ATRX: variants seen among roughly 807,000 people sequenced by gnomAD.
ATRX encodes ATRX chromatin remodeler, also known as chromatin remodeler ATRX.
A neutral mutation model predicts 172.6 loss-of-function variants in ATRX; 12 were observed. The ratio of observed to expected loss-of-function variants is 0.07; its 90% CI spans 0.04 to 0.11. The LOEUF (loss-of-function observed/expected upper bound fraction) is 0.11, where lower values mean the gene tolerates loss of function less well. Among genes scored for constraint, ATRX ranks in the 10% least tolerant of loss-of-function variants. The pLI is 1.00. For missense variants in ATRX, 1,368 were observed against 1,767.4 expected (o/e 0.77, Z 4.05); for synonymous variants, 674 against 594.7 (o/e 1.13, Z -1.94).
chrX:77,596,223 T>C (rs970915166), intron 25 of ATRX: 2 of 111,656 alleles, frequency 1.8e-5, no homozygotes, highest in Admixed American at 1.9e-4. Context: ...AGGTACAACA[T>C]TGTTAACCCT....
chrX:77,764,281 G>T (rs2075829619), intron 1 of ATRX, among the ~76,000 whole-genome samples: 1 of 111,576 alleles, frequency 9.0e-6, no homozygotes, highest in African/African-American at 3.3e-5. Flanking sequence ...TTGTTTTTAT[G>T]AACAGTTACT....
At chrX:77,568,167 A>AAAAAAG (rs2065271398) in intron 28 of ATRX, among the ~76,000 whole-genome samples, 2 of 110,540 alleles carry the variant, frequency 1.8e-5, no homozygotes, top group Admixed American at 1.9e-4. Context: ...AGGAAAAAAA[A>AAAAAAG]AAAAAGAAAA....
rs782473887 is a variant in ATRX, at chrX:77,685,023, G to C, written c.595-17C>G. The C allele has an allele frequency of 2.1e-4, 235 of 1,139,705 alleles. No individual in the cohort carries two copies. The highest frequency in any genetic ancestry group is 2.7e-4 in the Non-Finnish European group (224 of 832,447). The allele number at this position is 1,139,705 out of a possible 1,213,427, so 93.9% of individuals were successfully genotyped here. ...AAAGCAATTCTATTAAAAGAAAAGA[G>C]GAAGGGGAAATTTAATTCGAAATTG... On this transcript the variant is annotated splice_polypyrimidine_tract_variant and intron_variant, in intron 7 of 34. Coordinates refer to ENST00000373344, the MANE Select transcript of ATRX (RefSeq NM_000489.6).
intron 1 of ATRX, among the ~76,000 whole-genome samples, chrX:77,724,031 G>A (rs1215725299): frequency 9.0e-6 from 1 of 111,161 alleles, no homozygotes; most frequent in Non-Finnish European, 1.9e-5. Flanking sequence ...CTGTAACCCC[G>A]GCACTTTGGG....
Position 77,506,185 on chromosome X carries a change from A to G in ATRX, c.*2166T>C. 5.9e-6 allele frequency: 1 copy of G among 170,926 alleles called. No individual in the cohort carries two copies. Among genetic ancestry groups the G allele is most frequent in the Non-Finnish European group, 1.1e-5 (1 of 89,183 alleles). The allele number at this position is 170,926 out of a possible 1,213,427, so 14.1% of individuals were successfully genotyped here. ...GCAACTATTTAAAACATCTAAAACA[A>G]ATATAAAAATGAGCCTTTTAGTATT... On this transcript the variant is annotated 3_prime_UTR_variant, in exon 35 of 35. Coordinates refer to ENST00000373344, the MANE Select transcript of ATRX (RefSeq NM_000489.6).
intron 3 of ATRX, among the ~76,000 whole-genome samples, chrX:77,698,066 T>G (rs1174627641): frequency 1.8e-5 from 2 of 111,683 alleles, no homozygotes; most frequent in Non-Finnish European, 3.8e-5. Flanking sequence ...TGAAGTAACT[T>G]CTACAACTTG....
intron 30 of ATRX, among the ~76,000 whole-genome samples, chrX:77,542,642 A>G (rs1304922865): frequency 9.0e-6 from 1 of 111,673 alleles, no homozygotes; most frequent in African/African-American, 3.3e-5. Flanking sequence ...GGAACAAAAC[A>G]GAGGCCTCAG....
At chrX:77,715,708 T>A (rs1485767068) in intron 2 of ATRX, among the ~76,000 whole-genome samples, 1 of 111,699 alleles carries the variant, frequency 9.0e-6, no homozygotes, top group Non-Finnish European at 1.9e-5. Context: ...TTTATATTTA[T>A]CCTGTTCAGG....
intron 2 of ATRX, among the ~76,000 whole-genome samples, chrX:77,703,235 C>T (rs782678974): frequency 8.9e-6 from 1 of 112,884 alleles, no homozygotes; most frequent in Non-Finnish European, 1.9e-5. Context: ...CTCAGGCCTG[C>T]TGGGCTTGTC....
rs782441238 is a variant in ATRX at position 77,543,420 on chromosome X, C to A, written c.6699+14031G>T. ...GTGGCGATTCCTCAAGGATCTAGAA[C>A]CAGAAATACCATTTTGACTCAGCGA... On this transcript the variant is annotated intron_variant, in intron 30 of 34. Coordinates refer to ENST00000373344, the MANE Select transcript of ATRX (RefSeq NM_000489.6). Among the ~76,000 whole-genome samples the A allele has an allele frequency of 6.3e-5, 7 of 111,814 alleles. No individual in the cohort carries two copies. In the South Asian group the frequency reaches 2.6e-3, roughly 42 times the overall value.
rs190365761 is a variant in ATRX, at chrX:77,624,684, C to A, written c.5135-4152G>T. ...ACAAGAAAGATAGGAATATACCTAA[C>A]AAAGGAGTCAAAAGACCTCTACAAG... is the stretch of plus-strand genomic sequence containing the variant. On this transcript the variant is annotated intron_variant, in intron 19 of 34. Transcript: ENST00000373344. Among the ~76,000 whole-genome samples the A allele has an allele frequency of 9.8e-5, 11 of 111,676 alleles. No individual in the cohort carries two copies. In the East Asian group the frequency reaches 2.8e-3, roughly 28 times the overall value.
intron 30 of ATRX, among the ~76,000 whole-genome samples, chrX:77,538,095 A>G (rs1237581342): frequency 1.8e-5 from 2 of 110,321 alleles, no homozygotes; most frequent in Admixed American, 9.7e-5. Flanking sequence ...TGGGCTTAAT[A>G]CTTAGGTGTT....
At chrX:77,627,139 A>C (rs1180699049) in intron 19 of ATRX, among the ~76,000 whole-genome samples, 1 of 111,738 alleles carries the variant, frequency 8.9e-6, no homozygotes, top group African/African-American at 3.2e-5. Context: ...AGGCTGAGGC[A>C]GGAGAATGGC....
At chrX:77,557,677 A>T in intron 29 of ATRX, 32 bp from the exon 30 acceptor site, 1 of 1,146,338 alleles carries the variant, frequency 8.7e-7, no homozygotes, top group Non-Finnish European at 1.2e-6. Flanking sequence ...TATACAAAAA[A>T]ATAAAATTTT....
intron 30 of ATRX, among the ~76,000 whole-genome samples, chrX:77,547,627 C>T (rs1026609489): frequency 2.7e-5 from 3 of 111,250 alleles, no homozygotes; most frequent in African/African-American, 9.8e-5. Flanking sequence ...ATAAGGTAGA[C>T]TTTATTCTAA....
At chrX:77,585,458 C>T (rs1449260857) in intron 27 of ATRX, among the ~76,000 whole-genome samples, 3 of 104,696 alleles carry the variant, frequency 2.9e-5, no homozygotes, top group African/African-American at 6.9e-5. Context: ...TGCCTGTAGT[C>T]CCAGCTACTG....
intron 28 of ATRX, among the ~76,000 whole-genome samples, chrX:77,572,440 C>A (rs975048143): frequency 9.0e-6 from 1 of 111,416 alleles, no homozygotes; most frequent in Non-Finnish European, 1.9e-5. Context: ...AAATACTCAA[C>A]CAGTATATGC....
chrX:77,765,166 T>G (rs1379531422), intron 1 of ATRX, among the ~76,000 whole-genome samples: 7 of 111,324 alleles, frequency 6.3e-5, no homozygotes, highest in Non-Finnish European at 1.3e-4. Context: ...AAACTCTGTC[T>G]CAAAAACAAA....
Position 77,682,607 on chromosome X carries a change from T to C in ATRX, c.2649A>G (p.Gln883=), listed in dbSNP as rs1557139176. 1 of 1,210,631 alleles carries C rather than the reference T, an allele frequency of 8.3e-7. No homozygotes were observed. The change falls in exon 9 of 35, where the codon CAA becomes CAG. Residue 883 remains glutamine (Q), a synonymous_variant. Transcript: ENST00000373344. ...CTGCTGAAGAGAAAGTCTCTCTCTC[T>C]TGTTTTCTTTCAGCATCATCAGATG... is the stretch of plus-strand genomic sequence containing the variant. The part of the protein sequence containing the change: ...EGSSDDAERK[Q]ERETFSSAEG...
Sources: gnomAD v4.1 joint callset for allele counts (sites outside exome capture counted in the v4.1 genomes callset) on GRCh38, gnomAD v4.1.1 for gene constraint, MANE v1.5 for transcripts, NCBI Gene and HGNC (gene_info 2026-07-23, HGNC 2026-07-21) for gene names.